The following USP36 variants were observed in gnomAD, a reference collection of about 807,000 sequenced individuals.
USP36 encodes the protein ubiquitin carboxyl-terminal hydrolase 36.
In USP36, 59 loss-of-function variants were observed where a neutral mutation model predicts 111.5. The observed-to-expected ratio is 0.53, with a 90% confidence interval of 0.43 to 0.66. The LOEUF (loss-of-function observed/expected upper bound fraction) is 0.66, where lower values mean the gene tolerates loss of function less well. Among genes scored for constraint, USP36 ranks in the 30% least tolerant of loss-of-function variants. The pLI is 0.00. For synonymous variants in USP36, 628 were observed against 581.0 expected, an observed-to-expected ratio of 1.08 and a Z score of -1.16; for missense variants, 1,488 against 1,468.0, an observed-to-expected ratio of 1.01 and a Z score of -0.22.
At position 78,821,258 on chromosome 17, in the gene USP36, A is replaced by G. The variant is rs1171202117; in HGVS notation, c.758-197T>C. The G allele has an allele frequency of 3.5e-5, 19 of 547,206 alleles. No homozygotes were observed. The Admixed American group carries it at 3.5e-4, about 10-fold the overall frequency. 33.9% of individuals were successfully genotyped at this position (547,206 alleles called of 1,614,324 possible). ...CTGAAGTTCACAAAGATGGATGTCA[A>G]TATCTTTGCACTCACAGGGCCCTCC... On this transcript the variant is annotated intron_variant, in intron 7 of 20. Coordinates refer to ENST00000449938, the MANE Select transcript of USP36 (RefSeq NM_001385174.1).
intron 12 of USP36, among the ~76,000 whole-genome samples, 198 bp downstream of exon 12, chr17:78,813,575 G>A (rs2094117551): frequency 1.3e-5 from 2 of 152,174 alleles, no homozygotes; most frequent in South Asian, 4.1e-4. Flanking sequence ...GAGGGCAGAT[G>A]GGATCCTGTC....
chr17:78,813,099 G>C (rs949704478), intron 12 of USP36, 98 bp from the exon 13 acceptor site: 4 of 1,497,330 alleles, frequency 2.7e-6, no homozygotes, highest in Non-Finnish European at 3.6e-6. Context: ...GCAGAAACAC[G>C]GCCTGGGGAA....
intron 9 of USP36, among the ~76,000 whole-genome samples, chr17:78,819,486 T>C (rs890088559): frequency 6.6e-6 from 1 of 152,166 alleles, no homozygotes; most frequent in Non-Finnish European, 1.5e-5. Flanking sequence ...AAGTAAAAAA[T>C]GAAAGCCAAA....
intron 5 of USP36, 82 bp from the exon 6 acceptor site, chr17:78,827,429 C>A: frequency 1.5e-6 from 2 of 1,367,056 alleles, no homozygotes; most frequent in East Asian, 2.4e-5. Context: ...ATGGCCATTC[C>A]TGGCTGTTAT....
Position 78,819,981 on chromosome 17 carries a change from A to T in USP36, c.860T>A (p.Leu287His), listed in dbSNP as rs1242685956. 6.2e-7 allele frequency: 1 copy of T among 1,614,230 alleles called. No individual in the cohort carries two copies. Among genetic ancestry groups the T allele is most frequent in the South Asian group, 1.1e-5 (1 of 91,092 alleles). ...QAANIVRALE[L>H]FVKADVLSGE... Reference sequence around the variant, plus strand: ...ACTCAGGACATCTGCTTTCACAAAAAGTTCCAGAGCACGCACAATATTCGC... The same window carrying T: ...ACTCAGGACATCTGCTTTCACAAAATGTTCCAGAGCACGCACAATATTCGC... The change falls in exon 9 of 21, where the codon CTT (leucine) becomes CAT (histidine). Residue 287 changes from leucine (L) to histidine (H), a missense_variant. By Grantham distance (99) the Leu-to-His change is moderately conservative (BLOSUM62 -3). This residue lies in a region of USP36 where 196 missense variants were observed against 264.4 expected (regional missense o/e 0.74). Coordinates refer to ENST00000449938, the MANE Select transcript of USP36 (RefSeq NM_001385174.1).
intron 10 of USP36, among the ~76,000 whole-genome samples, chr17:78,815,934 A>ACG (rs1491512139): frequency 6.7e-6 from 1 of 149,446 alleles, no homozygotes; most frequent in Admixed American, 6.6e-5. Flanking sequence ...ATACACACAC[A>ACG]TATACACACA....
intron 4 of USP36, among the ~76,000 whole-genome samples, chr17:78,831,871 A>AGGT (rs2145591982): frequency 7.4e-6 from 1 of 135,592 alleles, no homozygotes; most frequent in South Asian, 2.6e-4. Flanking sequence ...ATTGCTTGGG[A>AGGT]GGTGGAGGTT....
At chr17:78,838,514 G>A (rs2068928194) in intron 2 of USP36, 73 bp downstream of exon 2, 1 of 137,366 alleles carries the variant, frequency 7.3e-6, no homozygotes. Flanking sequence ...CTCACCAACT[G>A]AACAATCACT....
At chr17:78,837,603 A>C (rs1463899855) in intron 2 of USP36, among the ~76,000 whole-genome samples, 1 of 152,106 alleles carries the variant, frequency 6.6e-6, no homozygotes, top group Non-Finnish European at 1.5e-5. Flanking sequence ...GCACCTCTCC[A>C]ATCGCTACCT....
Position 78,821,215 on chromosome 17 carries a change from G to C in USP36, c.758-154C>G. ...CCTGAAGCATCCTGGTGTCCGAACA[G>C]AGAGCTCTCTTTCACCACTGAAGTT... On this transcript the variant is annotated intron_variant, in intron 7 of 20. Coordinates refer to ENST00000449938, the MANE Select transcript of USP36 (RefSeq NM_001385174.1). The C allele has an allele frequency of 9.3e-6, 6 of 647,724 alleles. No homozygotes were observed. In the South Asian group the frequency reaches 1.2e-4, roughly 12 times the overall value. 40.1% of individuals were successfully genotyped at this position (647,724 alleles called of 1,614,324 possible).
intron 17 of USP36, among the ~76,000 whole-genome samples, chr17:78,801,337 G>A (rs529238960): frequency 3.9e-5 from 6 of 152,132 alleles, no homozygotes; most frequent in South Asian, 4.1e-4. Context: ...TAGCACCCAC[G>A]TTTTGCTATT....
At chr17:78,829,463 C>T (rs977071141) in intron 4 of USP36, among the ~76,000 whole-genome samples, 28 of 152,128 alleles carry the variant, frequency 1.8e-4, no homozygotes, top group African/African-American at 6.5e-4. Context: ...GATATGGGAC[C>T]GTCTGTTCCA....
At chr17:78,819,829 G>T in intron 9 of USP36, 101 bp downstream of exon 9, 2 of 1,207,294 alleles carry the variant, frequency 1.7e-6, no homozygotes, top group Non-Finnish European at 1.2e-6. Context: ...TGCGAGCAGC[G>T]GTCACCGCTA....
rs1295233059 is a variant in USP36 at position 78,802,525 on chromosome 17, T to C, written c.2821A>G (p.Met941Val). 2.5e-6 allele frequency: 4 copies of C among 1,605,128 alleles called. No individual in the cohort carries two copies. The highest frequency in any genetic ancestry group is 3.4e-6 in the Non-Finnish European group (4 of 1,179,650). The change falls in exon 17 of 21, where the codon ATG (methionine) becomes GTG (valine). Residue 941 changes from methionine to valine, a missense_variant. By Grantham distance (21) the Met-to-Val change is conservative. This residue lies in a region of USP36 where 1,073 missense variants were observed against 994.1 expected (regional missense o/e 1.08). Transcript: ENST00000449938. ...QDPLRHSCSP[M>V]GDGDPEAMEE... ...ATGGCCTCTGGATCACCATCACCCATGGGAGAGCAGCTGCTTGGAAGTGAG... is the reference window on the plus strand; with the variant it reads ...ATGGCCTCTGGATCACCATCACCCACGGGAGAGCAGCTGCTTGGAAGTGAG...
At chr17:78,808,929 C>T (rs1034135844) in intron 13 of USP36, among the ~76,000 whole-genome samples, 1 of 152,060 alleles carries the variant, frequency 6.6e-6, no homozygotes, top group Non-Finnish European at 1.5e-5. Context: ...AATTACAAGG[C>T]TAATTTTCTG....
chr17:78,834,500 C>T (rs973376107), intron 4 of USP36, among the ~76,000 whole-genome samples: 27 of 151,964 alleles, frequency 1.8e-4, no homozygotes, highest in Non-Finnish European at 3.7e-4. Context: ...TGGAGTGCAG[C>T]GGCATGATCT....
rs1192673127 is a variant in USP36 at position 78,803,219 on chromosome 17, G to A, written c.2810+166C>T. 6.6e-6 allele frequency among the ~76,000 whole-genome samples: 1 copy of A among 152,122 alleles called. No homozygotes were observed. The highest frequency in any genetic ancestry group is 1.5e-5 in the Non-Finnish European group (1 of 68,020). On this transcript the variant is annotated intron_variant, in intron 16 of 20. Transcript: ENST00000449938. This position sits in a 1 kb window ranked among gnomAD's most constrained non-coding sequence, Gnocchi z 4.6. ...CCCAAAGTGCTAGGATTACAGGTGT[G>A]AGCCACCACACCCAGCCAGAGGAGA...
intron 3 of USP36, 114 bp downstream of exon 3, chr17:78,835,997 A>G (rs951619433): frequency 6.8e-6 from 10 of 1,462,954 alleles, no homozygotes; most frequent in Admixed American, 4.5e-5. Flanking sequence ...GTAAAAATTC[A>G]TAACTCTTTG....
intron 1 of USP36, 74 bp downstream of exon 1, chr17:78,840,662 C>T (rs1022403750): frequency 6.6e-6 from 1 of 152,120 alleles, no homozygotes; most frequent in South Asian, 2.1e-4. Context: ...TTCCCGCGCC[C>T]CAGGCCTCGC....
Sources: allele counts gnomAD v4.1 joint callset (sites outside exome capture counted in the v4.1 genomes callset), GRCh38; gene constraint gnomAD v4.1.1; regional missense constraint gnomAD v4.1.1; non-coding constraint Gnocchi (gnomAD v3.1); transcripts MANE v1.5; gene names NCBI Gene and HGNC (gene_info 2026-07-23, HGNC 2026-07-21).